RAB29: variants seen among roughly 807,000 people sequenced by gnomAD.
The protein encoded by RAB29 is ras-related protein Rab-29.
RAB29 carries 13 observed loss-of-function variants against 25.5 expected under a neutral mutation model. The observed-to-expected ratio is 0.51, with a 90% CI of 0.33 to 0.81. The LOEUF (loss-of-function observed/expected upper bound fraction) is 0.81. Ranked by LOEUF, RAB29 falls within the 30% of genes least tolerant of loss-of-function variation. The pLI is 0.02. For synonymous variants in RAB29, 88 were observed against 95.0 expected (o/e 0.93, Z 0.43); for missense variants, 201 against 254.9 (o/e 0.79, Z 1.44).
chr1:205,775,090 C>T lies in RAB29; in HGVS notation c.-130-4G>A, dbSNP rs1572931. ...TCCCACCCACCGCCTGTCTGGGCTGCTCTGACGAGAAAGCAAAAAAGGAAA... is the reference window on the plus strand; with the variant it reads ...TCCCACCCACCGCCTGTCTGGGCTGTTCTGACGAGAAAGCAAAAAAGGAAA... On this transcript the variant is annotated splice_region_variant and splice_polypyrimidine_tract_variant and intron_variant, in intron 1 of 5. Coordinates refer to ENST00000367139, the MANE Select transcript of RAB29 (RefSeq NM_003929.3). The T allele has an allele frequency of 0.15, 184,072 of 1,218,430 alleles. 16,463 individuals carry two copies. Among genetic ancestry groups the T allele is most frequent in the East Asian group, 0.34 (13,555 of 40,064 alleles). 75.5% of individuals were successfully genotyped at this position (1,218,430 alleles called of 1,614,324 possible). A position where few individuals can be genotyped will look rare whatever the true frequency, so the allele number is the denominator to read the frequency against.
intron 1 of RAB29, 86 bp downstream of exon 1, chr1:205,775,187 C>T: frequency 2.0e-6 from 1 of 504,172 alleles, no homozygotes; most frequent in Non-Finnish European, 3.5e-6. Flanking sequence ...GCGCGAGCTC[C>T]GAGCCCCCGG....
At position 205,772,563 on chromosome 1, in the gene RAB29, A is replaced by G. The variant is rs759360257; in HGVS notation, c.129T>C (p.Asp43=). Residue 43 remains aspartate, a synonymous_variant, in exon 3 of 6, where the codon GAT becomes GAC. Transcript: ENST00000367139. ...SKHYKSTVGV[D]FALKVLQWSD... Reference sequence around the variant, plus strand: ...ACCACTGGAGAACCTTCAGAGCAAAATCCACTGAAAATATATGTACATTAT... The same window carrying G: ...ACCACTGGAGAACCTTCAGAGCAAAGTCCACTGAAAATATATGTACATTAT... 7 of 1,612,536 alleles carry G rather than the reference A, an allele frequency of 4.3e-6. No homozygotes were observed. In the South Asian group the frequency reaches 7.7e-5, roughly 18 times the overall value.
At position 205,769,463 on chromosome 1, in the gene RAB29, C is replaced by T. The variant is rs1408353085; in HGVS notation, c.*879G>A. 6.6e-6 allele frequency: 1 copy of T among 151,968 alleles called. No individual in the cohort carries two copies. Among genetic ancestry groups the T allele is most frequent in the African/African-American group, 2.4e-5 (1 of 41,374 alleles). 9.4% of individuals were successfully genotyped at this position (151,968 alleles called of 1,614,324 possible). On this transcript the variant is annotated 3_prime_UTR_variant, in exon 6 of 6. Transcript: ENST00000367139. ...TTTTTTTTTGAGACGGAGTCCTTCT[C>T]TGTCACCCAGGCTGAAGTGCGGTGG...
At chr1:205,772,357 G>T in intron 3 of RAB29, 139 bp downstream of exon 3, 1 of 883,620 alleles carries the variant, frequency 1.1e-6, no homozygotes, top group Non-Finnish European at 1.9e-6. Context: ...CACCTATTCA[G>T]CTCATGTGTC....
In RAB29 at chr1:205,771,512, G is replaced by C. The variant is rs1380370918; in HGVS notation, c.338C>G (p.Pro113Arg). ...KQDLDSKLTL[P>R]NGEPVPCLLL... is the part of the protein sequence containing the mutation. ...CAGGCAGGGCACCGGCTCTCCATTG[G>C]GTAGTGTGAGCTTGCTGTCTAGGTC... The change falls in exon 4 of 6, where the codon CCC becomes CGC. Residue 113 changes from proline (P) to arginine (R), a missense_variant. Pro to Arg is a moderately radical substitution (Grantham distance 103). Transcript: ENST00000367139. 1.2e-6 allele frequency: 2 copies of C among 1,614,058 alleles called. No homozygotes were observed. Among genetic ancestry groups the C allele is most frequent in the African/African-American group, 2.7e-5 (2 of 74,926 alleles).
intron 4 of RAB29, 161 bp from the exon 5 acceptor site, chr1:205,771,015 T>G: frequency 9.4e-7 from 1 of 1,067,432 alleles, no homozygotes; most frequent in Non-Finnish European, 1.3e-6. Context: ...AGTCTCACCC[T>G]TGGCTGGGCG....
Position 205,770,254 on chromosome 1 carries a change from G to A in RAB29, c.*88C>T, listed in dbSNP as rs78087596. 0.038 allele frequency: 40,177 copies of A among 1,053,548 alleles called. 968 individuals are homozygous for A. Among genetic ancestry groups the A allele is most frequent in the Non-Finnish European group, 0.048 (33,124 of 682,988 alleles). The allele number at this position is 1,053,548 out of a possible 1,614,324, so 65.3% of individuals were successfully genotyped here. A position where few individuals can be genotyped will look rare whatever the true frequency, so the allele number is the denominator to read the frequency against. On this transcript the variant is annotated 3_prime_UTR_variant, in exon 6 of 6. Transcript: ENST00000367139. Reference sequence around the variant, plus strand: ...ACAGTAGTCAGGAGACAATTCAAATGTACTTAATAAAATTGTCAGGTGGGC... The same window carrying A: ...ACAGTAGTCAGGAGACAATTCAAATATACTTAATAAAATTGTCAGGTGGGC...
chr1:205,770,863 G>C lies in RAB29; in HGVS notation c.379-9C>G, dbSNP rs1654959597. The stretch of plus-strand genomic sequence containing the variant: ...CAAGGGGACAGATCACACTAGCAAA[G>C]AGAAAAAATAAAAGGCAGTATCATA... On this transcript the variant is annotated splice_polypyrimidine_tract_variant and intron_variant, in intron 4 of 5. Transcript: ENST00000367139. 6.2e-7 allele frequency: 1 copy of C among 1,613,612 alleles called. No individual in the cohort carries two copies. The highest frequency in any genetic ancestry group is 1.3e-5 in the African/African-American group (1 of 74,804).
chr1:205,774,757 A>T (rs1655212236), intron 2 of RAB29, 76 bp downstream of exon 2: 1 of 1,472,960 alleles, frequency 6.8e-7, no homozygotes, highest in Non-Finnish European at 9.3e-7. Context: ...TCCCCACCCC[A>T]CTTGGGTCCC....
intron 2 of RAB29, 135 bp downstream of exon 2, chr1:205,774,698 C>T: frequency 1.1e-6 from 1 of 934,180 alleles, no homozygotes; most frequent in Non-Finnish European, 1.6e-6. Flanking sequence ...ATCTAGGTTC[C>T]CAGACAGTAC....
At chr1:205,772,630 CTCAAA>C in intron 2 of RAB29, 63 bp from the exon 3 acceptor site, 1 of 1,469,484 alleles carries the variant, frequency 6.8e-7, no homozygotes, top group Non-Finnish European at 9.5e-7. Context: ...TAGGGATAAA[CTCAAA>C]TCAAATAGGC....
intron 2 of RAB29, 23 bp from the exon 3 acceptor site, chr1:205,772,590 C>T (rs1050552701): frequency 6.3e-7 from 1 of 1,596,320 alleles, no homozygotes; most frequent in Non-Finnish European, 8.6e-7. Context: ...GTACATTATA[C>T]TTTAATAAAA....
rs764241060 is a variant in RAB29 at position 205,770,319 on chromosome 1, G to A, written c.*23C>T. ...GACTTAAAAGACCTCCCAGAACTGGGATGGAAAATAAGCCAAACACTACTA... is the reference window on the plus strand; with the variant it reads ...GACTTAAAAGACCTCCCAGAACTGGAATGGAAAATAAGCCAAACACTACTA... On this transcript the variant is annotated 3_prime_UTR_variant, in exon 6 of 6. Coordinates refer to ENST00000367139, the MANE Select transcript of RAB29 (RefSeq NM_003929.3). The A allele has an allele frequency of 1.3e-6, 2 of 1,590,982 alleles. No individual in the cohort carries two copies. The highest frequency in any genetic ancestry group is 1.7e-6 in the Non-Finnish European group (2 of 1,158,966).
In RAB29 at chr1:205,772,644, G is replaced by A; in HGVS notation, c.125-77C>T. The A allele has an allele frequency of 4.5e-6, 6 of 1,339,376 alleles. No individual in the cohort carries two copies. The South Asian group carries it at 7.1e-5, about 16-fold the overall frequency. 83.0% of individuals were successfully genotyped at this position (1,339,376 alleles called of 1,614,324 possible). On this transcript the variant is annotated intron_variant, in intron 2 of 5. Coordinates refer to ENST00000367139, the MANE Select transcript of RAB29 (RefSeq NM_003929.3). ...ATAGGGATAAACTCAAATCAAATAG[G>A]CAGTGAAACCCTATGGACACACAAC...
intron 2 of RAB29, 122 bp from the exon 3 acceptor site, chr1:205,772,689 C>T (rs961101985): frequency 1.5e-5 from 13 of 855,746 alleles, no homozygotes; most frequent in Middle Eastern, 2.8e-4. Flanking sequence ...ATATGTTTAA[C>T]TTTAAGCCCT....
intron 3 of RAB29, 77 bp from the exon 4 acceptor site, chr1:205,771,730 G>T: frequency 7.0e-7 from 1 of 1,423,898 alleles, no homozygotes; most frequent in Non-Finnish European, 9.9e-7. Flanking sequence ...AGGGCAGTAA[G>T]CATATGTGTC....
chr1:205,769,147 A>T lies in RAB29; in HGVS notation c.*1195T>A, dbSNP rs970634369. 9 of 152,162 alleles carry T rather than the reference A, an allele frequency of 5.9e-5. No homozygotes were observed. Among genetic ancestry groups the T allele is most frequent in the African/African-American group, 2.2e-4 (9 of 41,446 alleles). The allele number at this position is 152,162 out of a possible 1,614,324, so 9.4% of individuals were successfully genotyped here. On this transcript the variant is annotated 3_prime_UTR_variant, in exon 6 of 6. Transcript: ENST00000367139. ...TCCCCCAGGCTAGGACCTGCACATA[A>T]TATGTTTCCTATGACTAAGTGCCTA...
At position 205,768,804 on chromosome 1, in the gene RAB29, G is replaced by A. The variant is rs979043142; in HGVS notation, c.*1538C>T. On this transcript the variant is annotated 3_prime_UTR_variant, in exon 6 of 6. Transcript: ENST00000367139. ...CCTGCCTCAGCCTCCCAAAGTGCTG[G>A]GATTACAGGTGTGAGCCACCACGGC... 2 of 151,990 alleles carry A rather than the reference G, an allele frequency of 1.3e-5. No individual in the cohort carries two copies. Among genetic ancestry groups the A allele is most frequent in the African/African-American group, 4.8e-5 (2 of 41,356 alleles). The allele number at this position is 151,990 out of a possible 1,614,324, so 9.4% of individuals were successfully genotyped here. A position where few individuals can be genotyped will look rare whatever the true frequency, so the allele number is the denominator to read the frequency against.
At position 205,770,332 on chromosome 1, in the gene RAB29, C is replaced by G; in HGVS notation, c.*10G>C. 6.2e-7 allele frequency: 1 copy of G among 1,609,328 alleles called. No homozygotes were observed. Among genetic ancestry groups the G allele is most frequent in the Non-Finnish European group, 8.5e-7 (1 of 1,175,704 alleles). ...TCCCAGAACTGGGATGGAAAATAAG[C>G]CAAACACTACTAGCAGCAGGACCAG... is the stretch of plus-strand genomic sequence containing the variant. On this transcript the variant is annotated 3_prime_UTR_variant, in exon 6 of 6. Coordinates refer to ENST00000367139, the MANE Select transcript of RAB29 (RefSeq NM_003929.3).
Sources: allele counts gnomAD v4.1 joint callset, GRCh38; gene constraint gnomAD v4.1.1; transcripts MANE v1.5; gene names NCBI Gene and HGNC (gene_info 2026-07-23, HGNC 2026-07-21).